The following TLL1 variants were observed in gnomAD, a reference collection of about 807,000 sequenced individuals.
TLL1 encodes the protein tolloid like 1, also known as tolloid-like protein 1.
Under a neutral mutation model 128.2 loss-of-function variants are expected in TLL1, and 49 were observed. The ratio of observed to expected loss-of-function variants is 0.38; its 90% CI spans 0.30 to 0.48. TLL1 has a LOEUF of 0.48. Among genes scored for constraint, TLL1 ranks in the 20% least tolerant of loss-of-function variants. The pLI is 0.96. For missense variants in TLL1, 1,123 were observed against 1,242.0 expected (o/e 0.90, Z 1.44); for synonymous variants, 454 against 418.8 (o/e 1.08, Z -1.03).
intron 1 of TLL1, among the ~76,000 whole-genome samples, chr4:165,876,035 T>C (rs995760416): frequency 6.6e-6 from 1 of 152,240 alleles, no homozygotes; most frequent in Non-Finnish European, 1.5e-5. Flanking sequence ...CCTAATCTTA[T>C]TTCTTCTCTG....
intron 1 of TLL1, among the ~76,000 whole-genome samples, chr4:165,876,913 C>G (rs879319371): frequency 2.0e-5 from 3 of 152,168 alleles, no homozygotes; most frequent in Non-Finnish European, 4.4e-5. Flanking sequence ...TTTTGAAACT[C>G]AAATCCTTGA....
chr4:165,938,152 G>A (rs1733849560), intron 1 of TLL1, among the ~76,000 whole-genome samples: 1 of 151,918 alleles, frequency 6.6e-6, no homozygotes, highest in South Asian at 2.1e-4. Flanking sequence ...GTGTTTGTTT[G>A]GTTCCCTTCA....
intron 1 of TLL1, among the ~76,000 whole-genome samples, chr4:165,898,070 C>T (rs913941797): frequency 6.6e-6 from 1 of 152,130 alleles, no homozygotes; most frequent in Non-Finnish European, 1.5e-5. Flanking sequence ...GATTTTTGCA[C>T]ATTGATTTTG....
At chr4:165,902,208 A>T (rs1253133850) in intron 1 of TLL1, among the ~76,000 whole-genome samples, 1 of 151,980 alleles carries the variant, frequency 6.6e-6, no homozygotes, top group Non-Finnish European at 1.5e-5. Flanking sequence ...GCTGAGCTAG[A>T]CCACTTGGGT....
chr4:166,058,751 T>C (rs11729467), intron 14 of TLL1, among the ~76,000 whole-genome samples: 2 of 151,914 alleles, frequency 1.3e-5, no homozygotes, highest in African/African-American at 4.8e-5. Flanking sequence ...ATTTATGTAT[T>C]TATTGGTTTA....
chr4:165,953,616 A>G (rs1304758546), intron 1 of TLL1, among the ~76,000 whole-genome samples: 2 of 109,568 alleles, frequency 1.8e-5, no homozygotes, highest in African/African-American at 8.4e-5. Flanking sequence ...TAGGTCATCT[A>G]TTTGCTCTGT....
intron 1 of TLL1, among the ~76,000 whole-genome samples, chr4:165,880,662 G>A (rs745516891): frequency 6.6e-6 from 1 of 152,120 alleles, no homozygotes; most frequent in East Asian, 1.9e-4. Flanking sequence ...GAGTTGTTAC[G>A]GAGGTGGAGA....
intron 1 of TLL1, among the ~76,000 whole-genome samples, chr4:165,948,394 C>A (rs560012023): frequency 2.6e-5 from 4 of 152,062 alleles, no homozygotes; most frequent in African/African-American, 9.7e-5. Flanking sequence ...GAGATTCTTA[C>A]GCTTTGAGTT....
chr4:166,103,461 T>G lies in TLL1; in HGVS notation c.*2585T>G, dbSNP rs1456976238. The G allele has an allele frequency of 6.6e-6, 1 of 151,844 alleles. No homozygotes were observed. Among genetic ancestry groups the G allele is most frequent in the Non-Finnish European group, 1.5e-5 (1 of 67,856 alleles). 9.4% of individuals were successfully genotyped at this position (151,844 alleles called of 1,614,324 possible). On this transcript the variant is annotated 3_prime_UTR_variant, in exon 21 of 21. Transcript: ENST00000061240. ...GCCTGATGTGGTAGGGGAAATGTAT[T>G]GCTCTATATTAAGAAATATTCTGGA...
intron 9 of TLL1, among the ~76,000 whole-genome samples, chr4:166,027,361 A>G (rs1001963545): frequency 2.6e-5 from 4 of 152,108 alleles, no homozygotes. Flanking sequence ...TGGGAATGCA[A>G]TTGCAATTTT....
intron 1 of TLL1, among the ~76,000 whole-genome samples, chr4:165,935,528 C>T (rs956797243): frequency 6.6e-6 from 1 of 152,200 alleles, no homozygotes; most frequent in African/African-American, 2.4e-5. Context: ...GAATTACAAG[C>T]TGAATACCCA....
chr4:165,912,539 C>T (rs1732584232), intron 1 of TLL1, among the ~76,000 whole-genome samples: 1 of 152,210 alleles, frequency 6.6e-6, no homozygotes, highest in Non-Finnish European at 1.5e-5. Flanking sequence ...ATCAGAAGTG[C>T]AAAACCAGTT....
intron 1 of TLL1, among the ~76,000 whole-genome samples, chr4:165,988,627 T>C (rs1736494413): frequency 6.6e-6 from 1 of 151,904 alleles, no homozygotes; most frequent in South Asian, 2.1e-4. Flanking sequence ...AGAGAGACCC[T>C]AACTCAAAAA....
At chr4:166,035,768 C>T (rs1488624715) in intron 9 of TLL1, among the ~76,000 whole-genome samples, 1 of 152,054 alleles carries the variant, frequency 6.6e-6, no homozygotes, top group Non-Finnish European at 1.5e-5. Context: ...GTATTTGTCA[C>T]AAATACTGAT....
intron 3 of TLL1, among the ~76,000 whole-genome samples, 178 bp from the exon 4 acceptor site, chr4:165,994,203 T>C (rs1038439748): frequency 2.0e-5 from 3 of 152,220 alleles, no homozygotes; most frequent in African/African-American, 7.2e-5. Context: ...TACTTCAATA[T>C]TTTAATGCTT....
chr4:165,931,495 G>T (rs931194112), intron 1 of TLL1, among the ~76,000 whole-genome samples: 28 of 151,564 alleles, frequency 1.8e-4, no homozygotes, highest in Admixed American at 3.3e-4. Context: ...AAGGCGGGCG[G>T]ATCACGAGGT....
intron 1 of TLL1, among the ~76,000 whole-genome samples, chr4:165,918,792 T>C (rs1013237040): frequency 2.0e-5 from 3 of 152,104 alleles, no homozygotes; most frequent in African/African-American, 7.2e-5. Flanking sequence ...GCTACACCTG[T>C]AGCTAGGCCT....
Position 166,100,939 on chromosome 4 carries a change from A to T in TLL1, c.*63A>T, listed in dbSNP as rs1451804365. 2.5e-5 allele frequency: 39 copies of T among 1,579,450 alleles called. No homozygotes were observed. Among genetic ancestry groups the T allele is most frequent in the Non-Finnish European group, 3.0e-5 (35 of 1,158,038 alleles). ...AATGGAGAGAAGACATATTTTTTTTAAAACTGAAGATATTGGCACAAATGT... is the reference window on the plus strand; with the variant it reads ...AATGGAGAGAAGACATATTTTTTTTTAAACTGAAGATATTGGCACAAATGT... On this transcript the variant is annotated 3_prime_UTR_variant, in exon 21 of 21. Transcript: ENST00000061240.
chr4:166,047,170 C>CT (rs1033656240), intron 12 of TLL1, among the ~76,000 whole-genome samples: 2,285 of 148,072 alleles, frequency 0.015, 56 homozygotes, highest in African/African-American at 0.051. Flanking sequence ...GTTTATTATT[C>CT]TTTTTTTTTT....
Sources: gnomAD v4.1 joint callset for allele counts (sites outside exome capture counted in the v4.1 genomes callset) on GRCh38, gnomAD v4.1.1 for gene constraint, MANE v1.5 for transcripts, NCBI Gene and HGNC (gene_info 2026-07-23, HGNC 2026-07-21) for gene names.